Variants in CCR5AS observed in about 807,000 individuals in gnomAD.
CCR5AS encodes the protein CCR5 antisense RNA.
chr3:46,379,962 G>T (rs981507684), intron 2 of CCR5AS, among the ~76,000 whole-genome samples: 1 of 152,096 alleles, frequency 6.6e-6, no homozygotes, highest in Non-Finnish European at 1.5e-5. Context: ...TTTGCTTTTG[G>T]AGCAGAAAGC....
At chr3:46,376,479 C>T (rs997078257) in intron 2 of CCR5AS, among the ~76,000 whole-genome samples, 2 of 152,124 alleles carry the variant, frequency 1.3e-5, no homozygotes, top group Non-Finnish European at 2.9e-5. Flanking sequence ...GACTTGAAAA[C>T]TTTTAAAATT....
intron 2 of CCR5AS, chr3:46,373,449 C>T (rs1281371966): frequency 1.9e-6 from 3 of 1,575,590 alleles, no homozygotes; most frequent in East Asian, 4.5e-5. Context: ...CTCTCATTTT[C>T]CATACAGTCA....
intron 2 of CCR5AS, among the ~76,000 whole-genome samples, chr3:46,389,748 G>A (rs1701894235): frequency 6.6e-6 from 1 of 152,182 alleles, no homozygotes; most frequent in Non-Finnish European, 1.5e-5. Context: ...TAGTAAAGTG[G>A]TTTGATTAGG....
In CCR5AS at chr3:46,391,521, G is replaced by A. The variant is rs138623923; in HGVS notation, n.391+1304C>T. ...ACCTCTGGGTCTAGAGAGGTAAAGT[G>A]TCTAAGGGTTGTTGCCAAACAGGCC... On this transcript the variant is annotated intron_variant and non_coding_transcript_variant, in intron 2 of 3. Coordinates refer to ENST00000451485, the Ensembl canonical transcript of CCR5AS. 2.2e-3 allele frequency among the ~76,000 whole-genome samples: 337 copies of A among 152,278 alleles called. 2 individuals carry two copies. The highest frequency in any genetic ancestry group is 7.3e-3 in the African/African-American group (304 of 41,556).
intron 1 of CCR5AS, among the ~76,000 whole-genome samples, chr3:46,406,701 C>T (rs750131134): frequency 1.8e-4 from 27 of 152,270 alleles, no homozygotes; most frequent in Admixed American, 5.9e-4. Flanking sequence ...TGCTTGCAAA[C>T]CCCTTTGCTT....
chr3:46,372,700 G>A (rs1701679642), intron 2 of CCR5AS: 1 of 471,928 alleles, frequency 2.1e-6, no homozygotes, highest in Non-Finnish European at 3.8e-6. Flanking sequence ...CCATCTAGTG[G>A]ACAGGGAAGC....
Position 46,373,643 on chromosome 3 carries a change from C to T in CCR5AS, n.392-2226G>A, listed in dbSNP as rs141139165. The stretch of plus-strand genomic sequence containing the variant: ...CCATCATGATTGTTTATTTTCTCTT[C>T]TGGGCTCCCTACAACATTGTCCTTC... On this transcript the variant is annotated intron_variant and non_coding_transcript_variant, in intron 2 of 3. Coordinates refer to ENST00000451485, the Ensembl canonical transcript of CCR5AS. The T allele has an allele frequency of 3.5e-5, 56 of 1,614,000 alleles. No individual in the cohort carries two copies. Among genetic ancestry groups the T allele is most frequent in the Middle Eastern group, 1.6e-4 (1 of 6,084 alleles).
intron 3 of CCR5AS, among the ~76,000 whole-genome samples, chr3:46,365,797 A>G (rs779255098): frequency 7.9e-5 from 12 of 152,146 alleles, no homozygotes; most frequent in Admixed American, 7.2e-4. Flanking sequence ...GTAGGACCCA[A>G]TGTGACAGTT....
intron 1 of CCR5AS, among the ~76,000 whole-genome samples, chr3:46,396,735 C>T (rs750403338): frequency 4.6e-5 from 7 of 152,166 alleles, no homozygotes; most frequent in Non-Finnish European, 8.8e-5. Context: ...TAACTGAGGC[C>T]TCCTCTGTGA....
intron 1 of CCR5AS, among the ~76,000 whole-genome samples, chr3:46,400,046 A>T (rs1015357176): frequency 6.6e-6 from 1 of 152,110 alleles, no homozygotes; most frequent in Non-Finnish European, 1.5e-5. Context: ...GGAGTGTAGT[A>T]GTAGTAGCAC....
At chr3:46,389,395 T>C (rs932133490) in intron 2 of CCR5AS, among the ~76,000 whole-genome samples, 12 of 152,094 alleles carry the variant, frequency 7.9e-5, no homozygotes, top group African/African-American at 2.4e-4. Context: ...ATCAAAGCTG[T>C]AGAGTGTGAG....
At chr3:46,402,342 G>A (rs1339438348) in intron 1 of CCR5AS, among the ~76,000 whole-genome samples, 1 of 152,182 alleles carries the variant, frequency 6.6e-6, no homozygotes, top group Admixed American at 6.5e-5. Flanking sequence ...CTGGGGGCAG[G>A]ATAAGATGGT....
At chr3:46,373,250 C>A in intron 2 of CCR5AS, 1 of 1,614,150 alleles carries the variant, frequency 6.2e-7, no homozygotes, top group Non-Finnish European at 8.5e-7. Flanking sequence ...TCTCTGGAAT[C>A]TTCTTCATCA....
At chr3:46,387,329 T>C (rs1217793669) in intron 2 of CCR5AS, among the ~76,000 whole-genome samples, 1 of 152,220 alleles carries the variant, frequency 6.6e-6, no homozygotes, top group East Asian at 1.9e-4. Flanking sequence ...CAAGTCCACA[T>C]GTCCGGTAGT....
intron 1 of CCR5AS, among the ~76,000 whole-genome samples, chr3:46,400,087 G>T (rs540644250): frequency 6.6e-6 from 1 of 151,902 alleles, no homozygotes; most frequent in Non-Finnish European, 1.5e-5. Flanking sequence ...TCTGCCTCCC[G>T]GGCTCAAGCA....
At chr3:46,371,753 C>G (rs1701663077) in intron 2 of CCR5AS, among the ~76,000 whole-genome samples, 1 of 145,200 alleles carries the variant, frequency 6.9e-6, no homozygotes, top group African/African-American at 2.4e-5. Context: ...TGTATGACAA[C>G]TCTTAATTGT....
chr3:46,404,387 T>G (rs1188390238), intron 1 of CCR5AS, among the ~76,000 whole-genome samples: 6 of 140,074 alleles, frequency 4.3e-5, no homozygotes. Flanking sequence ...CAGGCCGGAG[T>G]GCAGTGGCAC....
intron 3 of CCR5AS, among the ~76,000 whole-genome samples, chr3:46,365,988 C>T (rs1170894001): frequency 6.6e-6 from 1 of 152,230 alleles, no homozygotes; most frequent in Non-Finnish European, 1.5e-5. Flanking sequence ...TGCAAGTCCC[C>T]ATTCCTCATA....
chr3:46,376,231 T>G (rs1393769911), intron 2 of CCR5AS: 1 of 158,864 alleles, frequency 6.3e-6, no homozygotes, highest in African/African-American at 2.4e-5. Context: ...GCTCTTTCAG[T>G]CAAGTGTACA....
Sources: gnomAD v4.1 joint callset for allele counts (sites outside exome capture counted in the v4.1 genomes callset) on GRCh38, gnomAD v4.1.1 for gene constraint, MANE v1.5 for transcripts, NCBI Gene and HGNC (gene_info 2026-07-23, HGNC 2026-07-21) for gene names.